PRKCE: variants seen among roughly 807,000 people sequenced by gnomAD.
PRKCE encodes the protein protein kinase C epsilon, also known as protein kinase C epsilon type.
PRKCE carries 16 observed loss-of-function variants against 85.4 expected under a neutral mutation model. That is an observed-to-expected ratio of 0.19 (90% CI 0.13 to 0.28). PRKCE has a LOEUF of 0.28. Among genes scored for constraint, PRKCE ranks in the 10% least tolerant of loss-of-function variants. The pLI is 1.00. For missense variants in PRKCE, 573 were observed against 975.2 expected, an observed-to-expected ratio of 0.59 and a Z score of 5.49; for synonymous variants, 388 against 371.5, an observed-to-expected ratio of 1.04 and a Z score of -0.51.
At chr2:46,003,106 A>T (rs574871355) in intron 7 of PRKCE, among the ~76,000 whole-genome samples, 17 of 152,318 alleles carry the variant, frequency 1.1e-4, no homozygotes, top group Non-Finnish European at 2.2e-4. Context: ...TATTGCTGGG[A>T]TGCTTCTGAT....
chr2:45,966,884 C>G (rs1294000034), intron 2 of PRKCE, among the ~76,000 whole-genome samples: 1 of 152,118 alleles, frequency 6.6e-6, no homozygotes, highest in Non-Finnish European at 1.5e-5. Flanking sequence ...ATGAGGCTGT[C>G]GCTCTTCCTC....
chr2:46,178,900 G>A (rs536326855), intron 14 of PRKCE, among the ~76,000 whole-genome samples: 38 of 152,310 alleles, frequency 2.5e-4, no homozygotes, highest in African/African-American at 9.1e-4. Flanking sequence ...TAGGAGCCGG[G>A]AGGAGGGCAG....
chr2:45,702,182 G>A (rs1678701676), intron 1 of PRKCE, among the ~76,000 whole-genome samples: 1 of 152,058 alleles, frequency 6.6e-6, no homozygotes. Flanking sequence ...GAGCGAGACT[G>A]TCTCAAAAAA....
chr2:45,737,002 G>A (rs1188166598), intron 1 of PRKCE, among the ~76,000 whole-genome samples: 1 of 152,208 alleles, frequency 6.6e-6, no homozygotes, highest in Non-Finnish European at 1.5e-5. Flanking sequence ...CTGAAAGGGA[G>A]CTGCCGCCTT....
intron 11 of PRKCE, among the ~76,000 whole-genome samples, chr2:46,120,968 T>G (rs1178808546): frequency 6.6e-6 from 1 of 152,256 alleles, no homozygotes; most frequent in East Asian, 1.9e-4. Flanking sequence ...CTGTGGCACT[T>G]GACCTACATG....
At chr2:45,658,156 G>A (rs1048447179) in intron 1 of PRKCE, among the ~76,000 whole-genome samples, 5 of 152,118 alleles carry the variant, frequency 3.3e-5, no homozygotes, top group Admixed American at 1.3e-4. Flanking sequence ...TACCTCCTTC[G>A]TGTGCGCCTA....
chr2:45,982,552 T>A (rs1380090830), intron 5 of PRKCE, among the ~76,000 whole-genome samples: 1 of 152,202 alleles, frequency 6.6e-6, no homozygotes, highest in East Asian at 1.9e-4. Context: ...TGTCACATTT[T>A]TTTTTCTTTA....
Position 45,693,498 on chromosome 2 carries a change from A to T in PRKCE, c.348+41050A>T, listed in dbSNP as rs145591491. Among the ~76,000 whole-genome samples the T allele has an allele frequency of 1.6e-4, 24 of 152,274 alleles. No individual in the cohort carries two copies. The East Asian group carries it at 4.5e-3, about 28-fold the overall frequency. On this transcript the variant is annotated intron_variant, in intron 1 of 14. Coordinates refer to ENST00000306156, the MANE Select transcript of PRKCE (RefSeq NM_005400.3). ...CCAGGTTTAGGGAATGCCCCGAGGC[A>T]TGGGTAGGAGATGGTGCAGGCCGGA...
intron 2 of PRKCE, among the ~76,000 whole-genome samples, chr2:45,859,522 G>A (rs1050745461): frequency 1.7e-4 from 26 of 152,172 alleles, no homozygotes; most frequent in African/African-American, 6.3e-4. Flanking sequence ...TATGGTGGGT[G>A]ATATGCCATT....
chr2:45,827,428 C>T (rs370492540), intron 1 of PRKCE, among the ~76,000 whole-genome samples: 2 of 152,290 alleles, frequency 1.3e-5, no homozygotes, highest in South Asian at 4.1e-4. Context: ...CCTTGTGGTT[C>T]AGATCGTGGT....
chr2:45,654,981 C>T (rs1479209255), intron 1 of PRKCE, among the ~76,000 whole-genome samples: 3 of 152,336 alleles, frequency 2.0e-5, no homozygotes, highest in East Asian at 3.9e-4. Flanking sequence ...TGAAGAAACA[C>T]ACCCTTCTCA....
intron 11 of PRKCE, among the ~76,000 whole-genome samples, chr2:46,134,487 G>C: frequency 6.6e-6 from 1 of 152,216 alleles, no homozygotes; most frequent in South Asian, 2.1e-4. Context: ...CAAGCAGCAG[G>C]GGAGCATCAT....
chr2:45,852,814 A>G (rs1692380784), intron 2 of PRKCE, among the ~76,000 whole-genome samples: 1 of 152,198 alleles, frequency 6.6e-6, no homozygotes, highest in South Asian at 2.1e-4. Context: ...CCTCTTTTAC[A>G]TATTGGAAAA....
At chr2:46,082,189 G>C (rs1020627332) in intron 10 of PRKCE, among the ~76,000 whole-genome samples, 8 of 152,092 alleles carry the variant, frequency 5.3e-5, no homozygotes, top group African/African-American at 1.9e-4. Context: ...ACCAGCATTT[G>C]CAATAAATGT....
At chr2:45,935,020 T>A (rs556577937) in intron 2 of PRKCE, among the ~76,000 whole-genome samples, 7 of 151,620 alleles carry the variant, frequency 4.6e-5, no homozygotes, top group African/African-American at 1.7e-4. Flanking sequence ...ATGATCATAC[T>A]ACTGCACTCC....
chr2:45,838,235 G>C, intron 1 of PRKCE, among the ~76,000 whole-genome samples: 1 of 152,182 alleles, frequency 6.6e-6, no homozygotes, highest in Non-Finnish European at 1.5e-5. Flanking sequence ...GAAGGAGACT[G>C]CACCTCGGAC....
chr2:45,867,130 G>A (rs1483106593), intron 2 of PRKCE, among the ~76,000 whole-genome samples: 1 of 152,214 alleles, frequency 6.6e-6, no homozygotes, highest in Admixed American at 6.5e-5. Context: ...GTGTGCTGAA[G>A]AATGATTGTC....
chr2:46,038,116 T>G (rs1257387057), intron 10 of PRKCE, among the ~76,000 whole-genome samples: 1 of 152,190 alleles, frequency 6.6e-6, no homozygotes, highest in Non-Finnish European at 1.5e-5. Flanking sequence ...TGGCCCTGCC[T>G]GGCTGGGGGC....
At chr2:45,681,122 C>T (rs1676855660) in intron 1 of PRKCE, among the ~76,000 whole-genome samples, 2 of 151,822 alleles carry the variant, frequency 1.3e-5, no homozygotes, top group African/African-American at 4.8e-5. Flanking sequence ...AACCCCGTCT[C>T]TACTAAAAAT....
Sources: allele counts gnomAD v4.1 joint callset (sites outside exome capture counted in the v4.1 genomes callset), GRCh38; gene constraint gnomAD v4.1.1; transcripts MANE v1.5; gene names NCBI Gene and HGNC (gene_info 2026-07-23, HGNC 2026-07-21).